ZBTB44: variants seen among roughly 807,000 people sequenced by gnomAD.
The protein encoded by ZBTB44 is zinc finger and BTB domain containing 44.
ZBTB44 carries 15 observed loss-of-function variants against 54.0 expected under a neutral mutation model. The observed-to-expected ratio is 0.28, with a 90% CI of 0.19 to 0.43. ZBTB44 has a LOEUF of 0.43. Ranked by LOEUF, ZBTB44 falls within the 20% of genes least tolerant of loss-of-function variation. The pLI is 1.00. For missense variants in ZBTB44, 487 were observed against 707.1 expected, an observed-to-expected ratio of 0.69 and a Z score of 3.53; for synonymous variants, 230 against 250.1, an observed-to-expected ratio of 0.92 and a Z score of 0.76.
At chr11:130,288,231 G>A (rs970035628) in intron 1 of ZBTB44, among the ~76,000 whole-genome samples, 18 of 151,912 alleles carry the variant, frequency 1.2e-4, no homozygotes, top group East Asian at 3.9e-4. Context: ...AAAATTAGCC[G>A]GGTGTGGTGG....
chr11:130,263,269 T>G (rs1462591957), intron 1 of ZBTB44, among the ~76,000 whole-genome samples: 2 of 152,184 alleles, frequency 1.3e-5, no homozygotes, highest in African/African-American at 4.8e-5. Context: ...TGAAGTCAAC[T>G]GACCACAATG....
chr11:130,298,910 C>A (rs1210842543), intron 1 of ZBTB44, among the ~76,000 whole-genome samples: 1 of 151,278 alleles, frequency 6.6e-6, no homozygotes, highest in Non-Finnish European at 1.5e-5. Flanking sequence ...ATGGTGAAAC[C>A]CATCTCTACA....
chr11:130,268,865 C>T (rs113621231), intron 1 of ZBTB44, among the ~76,000 whole-genome samples: 1,920 of 150,154 alleles, frequency 0.013, 17 homozygotes, highest in Middle Eastern at 0.021. Context: ...CAGGTGTGAG[C>T]CATCACGCTC....
intron 1 of ZBTB44, among the ~76,000 whole-genome samples, chr11:130,284,079 G>A (rs1291213984): frequency 1.3e-5 from 2 of 151,010 alleles, no homozygotes; most frequent in Admixed American, 6.6e-5. Context: ...ACCTGAGGTC[G>A]GAAGTTCAAG....
chr11:130,290,257 G>T (rs148632896), intron 1 of ZBTB44, among the ~76,000 whole-genome samples: 134 of 152,330 alleles, frequency 8.8e-4, no homozygotes, highest in Middle Eastern at 6.8e-3. Flanking sequence ...CACATAAGCT[G>T]CAAGAGGCAA....
At chr11:130,238,707 A>C (rs1042095641) in intron 3 of ZBTB44, 100 bp from the exon 4 acceptor site, 4 of 1,252,770 alleles carry the variant, frequency 3.2e-6, no homozygotes, top group Non-Finnish European at 4.2e-6. Flanking sequence ...AAAACACTTA[A>C]AGACTTTTTG....
intron 1 of ZBTB44, among the ~76,000 whole-genome samples, chr11:130,262,935 C>T (rs1317141006): frequency 1.3e-5 from 2 of 152,138 alleles, no homozygotes; most frequent in Non-Finnish European, 2.9e-5. Flanking sequence ...GTGGCATGGG[C>T]CTGTAGTCCC....
intron 5 of ZBTB44, 95 bp downstream of exon 5, chr11:130,236,698 C>T: frequency 4.0e-6 from 5 of 1,239,514 alleles, no homozygotes; most frequent in Non-Finnish European, 4.1e-6. Flanking sequence ...GACTAGCTGG[C>T]AACCTGATGT....
intron 1 of ZBTB44, among the ~76,000 whole-genome samples, chr11:130,300,481 T>C (rs909388388): frequency 2.0e-5 from 3 of 151,984 alleles, no homozygotes; most frequent in Non-Finnish European, 4.4e-5. Context: ...AAAACTTGGT[T>C]CTCTGAAAAA....
intron 3 of ZBTB44, 23 bp from the exon 4 acceptor site, chr11:130,238,630 G>C: frequency 6.3e-7 from 1 of 1,596,196 alleles, no homozygotes; most frequent in Non-Finnish European, 8.5e-7. Context: ...GACCAAAGAA[G>C]GCAACCAGGC....
chr11:130,227,093 A>C lies in ZBTB44; in HGVS notation c.*4671T>G, dbSNP rs1012355700. On this transcript the variant is annotated 3_prime_UTR_variant, in exon 8 of 8. Coordinates refer to ENST00000357899, the MANE Select transcript of ZBTB44 (RefSeq NM_001301098.2). ...GTAACGTTGAAACGGCACTTAGTTT[A>C]CAAAAAAGGTCACAAAAATATATAT... The C allele has an allele frequency of 6.6e-5, 10 of 152,146 alleles. No homozygotes were observed. Among genetic ancestry groups the C allele is most frequent in the African/African-American group, 1.9e-4 (8 of 41,378 alleles). The allele number at this position is 152,146 out of a possible 1,614,324, so 9.4% of individuals were successfully genotyped here.
intron 1 of ZBTB44, among the ~76,000 whole-genome samples, chr11:130,268,560 G>C (rs1939428383): frequency 6.6e-6 from 1 of 152,026 alleles, no homozygotes; most frequent in Admixed American, 6.6e-5. Context: ...GGGCAACACA[G>C]CAAGACCCTG....
chr11:130,261,348 C>G lies in ZBTB44; in HGVS notation c.526G>C (p.Val176Leu), dbSNP rs758905953. 3.7e-6 allele frequency: 6 copies of G among 1,613,850 alleles called. No individual in the cohort carries two copies. In the Admixed American group the frequency reaches 6.7e-5, roughly 18 times the overall value. The change falls in exon 2 of 8, where the codon GTC becomes CTC. Residue 176 changes from valine (V) to leucine (L), a missense_variant. Transcript: ENST00000357899. The surrounding 1 kb of genome is among the most constrained non-coding windows in gnomAD (Gnocchi z 4.8). ...CGCTTTCTCCGGGATTCTCGGCAGACAGGAATGGTTCTTTCTACCACACTG... is the reference window on the plus strand; with the variant it reads ...CGCTTTCTCCGGGATTCTCGGCAGAGAGGAATGGTTCTTTCTACCACACTG... The part of the protein sequence containing the change: ...ECSVVERTIP[V>L]CRESRRKRKS...
At chr11:130,254,810 G>C (rs1441934898) in intron 2 of ZBTB44, among the ~76,000 whole-genome samples, 2 of 152,128 alleles carry the variant, frequency 1.3e-5, no homozygotes, top group Non-Finnish European at 2.9e-5. Context: ...CAATAGCAAA[G>C]ACTTGGAACC....
In ZBTB44 at chr11:130,234,139, TTCTGGGTTGAGGAGACCTGTGAAA is replaced by T; in HGVS notation, c.1679_1686+16del. ...CCCCAAGGGAAAAGTGCTTTCACAA[TTCTGGGTTGAGGAGACCTGTGAAA>T]TGACAGGCATTTGAACAGAGGAGTT... On this transcript the variant is annotated splice_donor_variant and splice_donor_5th_base_variant and coding_sequence_variant and intron_variant, in exon 6 of 8. Coordinates refer to ENST00000357899, the MANE Select transcript of ZBTB44 (RefSeq NM_001301098.2). LOFTEE classifies it high-confidence loss of function. 1 of 1,544,832 alleles carries T rather than the reference TTCTGGGTTGAGGAGACCTGTGAAA, an allele frequency of 6.5e-7. No individual in the cohort carries two copies. The highest frequency in any genetic ancestry group is 8.7e-7 in the Non-Finnish European group (1 of 1,144,306).
intron 4 of ZBTB44, 143 bp downstream of exon 4, chr11:130,238,301 T>C: frequency 9.2e-7 from 1 of 1,084,678 alleles, no homozygotes; most frequent in Middle Eastern, 3.0e-4. Context: ...ATTTCAGCAA[T>C]AAACCTTAGC....
chr11:130,282,884 C>T (rs1287438114), intron 1 of ZBTB44, among the ~76,000 whole-genome samples: 1 of 152,064 alleles, frequency 6.6e-6, no homozygotes, highest in African/African-American at 2.4e-5. Context: ...CGCTATGCTA[C>T]CCACATTGGT....
chr11:130,296,721 G>A, intron 1 of ZBTB44: 2 of 993,076 alleles, frequency 2.0e-6, no homozygotes, highest in East Asian at 2.5e-5. Context: ...TAAAATTTCT[G>A]ACATTCAGTC....
chr11:130,262,192 T>C (rs558277519), intron 1 of ZBTB44, among the ~76,000 whole-genome samples: 1 of 152,234 alleles, frequency 6.6e-6, no homozygotes, highest in South Asian at 2.1e-4. Context: ...CAGGCTGGAG[T>C]GCAGCGGGGT....
Sources: allele counts gnomAD v4.1 joint callset (sites outside exome capture counted in the v4.1 genomes callset), GRCh38; gene constraint gnomAD v4.1.1; non-coding constraint Gnocchi (gnomAD v3.1); transcripts MANE v1.5; gene names NCBI Gene and HGNC (gene_info 2026-07-23, HGNC 2026-07-21).